Variants in SFMBT1 observed in about 807,000 individuals in gnomAD.
SFMBT1 encodes the protein Scm like with four mbt domains 1.
A neutral mutation model predicts 108.7 loss-of-function variants in SFMBT1; 32 were observed. The observed-to-expected ratio is 0.29, with a 90% CI of 0.22 to 0.40. SFMBT1 has a LOEUF of 0.40. SFMBT1 is among the 10% of genes least tolerant of loss of function. The pLI is 1.00. For synonymous variants in SFMBT1, 348 were observed against 369.5 expected, an observed-to-expected ratio of 0.94 and a Z score of 0.67; for missense variants, 816 against 1,059.6, an observed-to-expected ratio of 0.77 and a Z score of 3.19.
intron 1 of SFMBT1, among the ~76,000 whole-genome samples, chr3:53,042,102 T>G (rs1700077613): frequency 6.6e-6 from 1 of 152,208 alleles, no homozygotes; most frequent in Non-Finnish European, 1.5e-5. Flanking sequence ...GTAAAATGTC[T>G]GCCTAAATAA....
intron 1 of SFMBT1, among the ~76,000 whole-genome samples, chr3:52,991,824 G>C (rs1455564720): frequency 3.9e-5 from 6 of 152,220 alleles, no homozygotes; most frequent in African/African-American, 1.2e-4. Flanking sequence ...CACCTCCCCA[G>C]ACACTAAATC....
chr3:52,941,499 G>A (rs1703179971), intron 4 of SFMBT1, among the ~76,000 whole-genome samples: 1 of 148,112 alleles, frequency 6.8e-6, no homozygotes, highest in Non-Finnish European at 1.5e-5. Flanking sequence ...GAGGCTGAGG[G>A]AGGAGAACTG....
intron 1 of SFMBT1, among the ~76,000 whole-genome samples, chr3:52,974,195 G>A (rs1023723802): frequency 2.6e-5 from 4 of 152,274 alleles, no homozygotes; most frequent in East Asian, 1.9e-4. Context: ...TAAATACCAG[G>A]CAGTTAGCAA....
chr3:52,905,972 C>T (rs1559505343), intron 20 of SFMBT1, 141 bp downstream of exon 20: 2 of 915,742 alleles, frequency 2.2e-6, no homozygotes, highest in Non-Finnish European at 3.2e-6. Context: ...TCATCTTTGA[C>T]TCCTAAAAAT....
In SFMBT1 at chr3:52,907,247, G is replaced by A. The variant is rs778648595; in HGVS notation, c.2153C>T (p.Thr718Ile). Residue 718 changes from threonine to isoleucine, a missense_variant, in exon 19 of 21, where the codon ACA (threonine) becomes ATA (isoleucine). Coordinates refer to ENST00000394752, the MANE Select transcript of SFMBT1 (RefSeq NM_016329.4). The part of the protein sequence containing the change: ...GDDDSLSEGS[T>I]SEQQDELQEE... The stretch of plus-strand genomic sequence containing the variant: ...CTGTAGCTCATCCTGCTGCTCGGAT[G>A]TACTGCCTTCACTTAGGGAATCATC... 3 of 1,613,912 alleles carry A rather than the reference G, an allele frequency of 1.9e-6. No homozygotes were observed. Among genetic ancestry groups the A allele is most frequent in the Admixed American group, 3.3e-5 (2 of 60,002 alleles).
intron 2 of SFMBT1, among the ~76,000 whole-genome samples, chr3:52,966,084 G>T (rs566582225): frequency 6.8e-6 from 1 of 146,302 alleles, no homozygotes; most frequent in African/African-American, 2.5e-5. Context: ...TTGGGAGGCC[G>T]AGGCGGGCGG....
intron 1 of SFMBT1, among the ~76,000 whole-genome samples, chr3:52,994,145 G>A (rs60579787): frequency 0.018 from 2,674 of 150,358 alleles, 124 homozygotes; most frequent in African/African-American, 0.061. Context: ...AATTCAACTG[G>A]GAAATAATGC....
At chr3:52,973,979 T>A (rs9846976) in intron 1 of SFMBT1, among the ~76,000 whole-genome samples, 1 of 151,940 alleles carries the variant, frequency 6.6e-6, no homozygotes, top group Non-Finnish European at 1.5e-5. Flanking sequence ...AAGATAAACA[T>A]TGATTAAGAT....
At chr3:52,909,821 C>A (rs1702174509) in intron 17 of SFMBT1, among the ~76,000 whole-genome samples, 1 of 152,148 alleles carries the variant, frequency 6.6e-6, no homozygotes, top group Admixed American at 6.5e-5. Flanking sequence ...CTATGTGACC[C>A]CTGCCCCAGT....
Position 52,928,349 on chromosome 3 carries a change from T to C in SFMBT1, c.898-8A>G. The C allele has an allele frequency of 6.2e-7, 1 of 1,612,550 alleles. No homozygotes were observed. The highest frequency in any genetic ancestry group is 8.5e-7 in the Non-Finnish European group (1 of 1,179,714). The stretch of plus-strand genomic sequence containing the variant: ...GTACTTCTCATCAAAAACCTATACA[T>C]GCAATTAATAGATGAAATAGACAAA... On this transcript the variant is annotated splice_region_variant and splice_polypyrimidine_tract_variant and intron_variant, in intron 8 of 20. Transcript: ENST00000394752.
intron 14 of SFMBT1, among the ~76,000 whole-genome samples, chr3:52,914,397 T>C (rs765821506): frequency 2.0e-5 from 3 of 152,178 alleles, no homozygotes; most frequent in Non-Finnish European, 2.9e-5. Flanking sequence ...CCATTGTTGA[T>C]AGGATCCTGC....
chr3:52,919,639 C>T (rs1358304131), intron 12 of SFMBT1, among the ~76,000 whole-genome samples: 1 of 152,178 alleles, frequency 6.6e-6, no homozygotes, highest in African/African-American at 2.4e-5. Context: ...ACTGGGTTGC[C>T]ACTTTCGAGG....
chr3:53,027,032 C>G (rs190328313), intron 1 of SFMBT1, among the ~76,000 whole-genome samples: 2 of 152,240 alleles, frequency 1.3e-5, no homozygotes, highest in East Asian at 3.9e-4. Context: ...ATCCTCCCTC[C>G]TTGGCCTCCC....
At chr3:53,011,342 CGTGT>C (rs1698936744) in intron 1 of SFMBT1, among the ~76,000 whole-genome samples, 1 of 152,042 alleles carries the variant, frequency 6.6e-6, no homozygotes, top group South Asian at 2.1e-4. Context: ...AAAGTATGCT[CGTGT>C]GTAAGGTGGC....
intron 5 of SFMBT1, among the ~76,000 whole-genome samples, chr3:52,933,909 T>C (rs1410956870): frequency 6.6e-6 from 1 of 152,086 alleles, no homozygotes; most frequent in Non-Finnish European, 1.5e-5. Flanking sequence ...TAAAAAATGT[T>C]TACGCTGCAA....
intron 13 of SFMBT1, 129 bp from the exon 14 acceptor site, chr3:52,916,343 T>TCC: frequency 1.7e-6 from 1 of 579,970 alleles, no homozygotes; most frequent in Non-Finnish European, 3.0e-6. Context: ...CAGAAGGTAC[T>TCC]CCCTTGATGA....
intron 6 of SFMBT1, among the ~76,000 whole-genome samples, chr3:52,931,500 A>G (rs958226156): frequency 6.6e-6 from 1 of 152,146 alleles, no homozygotes; most frequent in Non-Finnish European, 1.5e-5. Flanking sequence ...TCTATGAGGT[A>G]TATCAATATG....
intron 4 of SFMBT1, among the ~76,000 whole-genome samples, chr3:52,941,054 G>A (rs1321961066): frequency 6.6e-6 from 1 of 152,138 alleles, no homozygotes; most frequent in Non-Finnish European, 1.5e-5. Context: ...TTAAGAAAAC[G>A]AGAGAGACAC....
chr3:53,045,518 CG>C, intron 1 of SFMBT1, among the ~76,000 whole-genome samples: 1 of 143,890 alleles, frequency 6.9e-6, no homozygotes. Flanking sequence ...CGGCCGCCGC[CG>C]CTCTCCGCCG....
Sources: gnomAD v4.1 joint callset for allele counts (sites outside exome capture counted in the v4.1 genomes callset) on GRCh38, gnomAD v4.1.1 for gene constraint, MANE v1.5 for transcripts, NCBI Gene and HGNC (gene_info 2026-07-23, HGNC 2026-07-21) for gene names.